NOS1: variants seen among roughly 807,000 people sequenced by gnomAD.
NOS1 encodes nitric oxide synthase 1.
NOS1 carries 51 observed loss-of-function variants against 164.5 expected under a neutral mutation model. That is an observed-to-expected ratio of 0.31 (90% CI 0.25 to 0.39). The LOEUF is 0.39. NOS1 is among the 10% of genes least tolerant of loss of function. NOS1 has a pLI of 1.00. For synonymous variants in NOS1, 719 were observed against 745.8 expected, an observed-to-expected ratio of 0.96 and a Z score of 0.59; for missense variants, 1,362 against 1,885.6, an observed-to-expected ratio of 0.72 and a Z score of 5.14.
At position 117,330,241 on chromosome 12, in the gene NOS1, G is replaced by A; in HGVS notation, c.725+104C>T. 1 of 1,454,176 alleles carries A rather than the reference G, an allele frequency of 6.9e-7. No homozygotes were observed. The highest frequency in any genetic ancestry group is 2.3e-5 in the East Asian group (1 of 42,920). The allele number at this position is 1,454,176 out of a possible 1,614,324, so 90.1% of individuals were successfully genotyped here. A position where few individuals can be genotyped will look rare whatever the true frequency, so the allele number is the denominator to read the frequency against. ...AAAACAGGTATCTGAGACAGCCCAG[G>A]TTGGCTTCTGGGCTATGAGGCTGAG... On this transcript the variant is annotated intron_variant, in intron 2 of 28. Transcript: ENST00000317775. This position sits in a 1 kb window ranked among gnomAD's most constrained non-coding sequence, Gnocchi z 4.6.
intron 2 of NOS1, among the ~76,000 whole-genome samples, chr12:117,314,632 A>G (rs1874591034): frequency 6.6e-6 from 1 of 152,120 alleles, no homozygotes; most frequent in Non-Finnish European, 1.5e-5. Flanking sequence ...TTTGAAACAG[A>G]GTCTTGCTTT....
At position 117,268,025 on chromosome 12, in the gene NOS1, T is replaced by C; in HGVS notation, c.1941+18A>G. On this transcript the variant is annotated intron_variant, in intron 11 of 28. Coordinates refer to ENST00000317775, the MANE Select transcript of NOS1 (RefSeq NM_000620.5). ...CTCATTTGAAGCTTGACCCTGGTGG[T>C]GCGGGCCCTGGTGTTACCTGGAAGC... is the stretch of plus-strand genomic sequence containing the variant. 1 of 1,561,578 alleles carries C rather than the reference T, an allele frequency of 6.4e-7. No homozygotes were observed. The highest frequency in any genetic ancestry group is 8.8e-7 in the Non-Finnish European group (1 of 1,133,322).
chr12:117,210,040 C>A lies in NOS1; in HGVS notation c.*5269G>T, dbSNP rs574307800. On this transcript the variant is annotated 3_prime_UTR_variant, in exon 29 of 29. Coordinates refer to ENST00000317775, the MANE Select transcript of NOS1 (RefSeq NM_000620.5). The stretch of plus-strand genomic sequence containing the variant: ...CAGGCTGGAGTGCAGTGGTGCGATC[C>A]TAGCTCACTGTCGCCTCAAACTCCT... 3 of 936,328 alleles carry A rather than the reference C, an allele frequency of 3.2e-6. No homozygotes were observed. The highest frequency in any genetic ancestry group is 2.3e-4 in the East Asian group (2 of 8,580). The allele number at this position is 936,328 out of a possible 1,614,324, so 58.0% of individuals were successfully genotyped here. A position where few individuals can be genotyped will look rare whatever the true frequency, so the allele number is the denominator to read the frequency against.
intron 2 of NOS1, among the ~76,000 whole-genome samples, chr12:117,323,111 G>A (rs1875068705): frequency 6.6e-6 from 1 of 152,202 alleles, no homozygotes; most frequent in Non-Finnish European, 1.5e-5. Flanking sequence ...TTCTGAGGAA[G>A]AGCCATGGGA....
intron 20 of NOS1, among the ~76,000 whole-genome samples, chr12:117,238,991 T>C (rs1028455462): frequency 6.6e-6 from 1 of 152,200 alleles, no homozygotes; most frequent in African/African-American, 2.4e-5. Flanking sequence ...CGACCAGAGA[T>C]GCCTATGGCT....
chr12:117,320,745 C>A (rs950405841), intron 2 of NOS1, among the ~76,000 whole-genome samples: 2 of 152,192 alleles, frequency 1.3e-5, no homozygotes, highest in Non-Finnish European at 2.9e-5. Context: ...TATGCTCAAG[C>A]CCCTCGAGCT....
intron 3 of NOS1, among the ~76,000 whole-genome samples, chr12:117,308,343 CAA>C: frequency 6.6e-6 from 1 of 152,026 alleles, no homozygotes; most frequent in African/African-American, 2.4e-5. Context: ...CCCGTTTCTA[CAA>C]AAAAATATAA....
At chr12:117,349,623 C>T (rs1346664669) in intron 1 of NOS1, among the ~76,000 whole-genome samples, 2 of 152,154 alleles carry the variant, frequency 1.3e-5, no homozygotes, top group Non-Finnish European at 2.9e-5. Context: ...TGGGTCCCAC[C>T]AGTGGAGTAT....
chr12:117,328,759 T>C (rs1340657379), intron 2 of NOS1, among the ~76,000 whole-genome samples: 1 of 152,220 alleles, frequency 6.6e-6, no homozygotes, highest in East Asian at 1.9e-4. Flanking sequence ...TTATCTCCTT[T>C]ACATATATCC....
Position 117,209,349 on chromosome 12 carries a change from G to A in NOS1, c.*5960C>T, listed in dbSNP as rs1392010804. The A allele has an allele frequency of 1.0e-5, 10 of 972,716 alleles. No homozygotes were observed. The East Asian group carries it at 3.4e-4, about 33-fold the overall frequency. The allele number at this position is 972,716 out of a possible 1,614,324, so 60.3% of individuals were successfully genotyped here. A position where few individuals can be genotyped will look rare whatever the true frequency, so the allele number is the denominator to read the frequency against. ...CTCAGCTTCCTACAGTACCCAAGACGGCCCCCACAAGAAAGAATTACCCAG... is the reference window on the plus strand; with the variant it reads ...CTCAGCTTCCTACAGTACCCAAGACAGCCCCCACAAGAAAGAATTACCCAG... On this transcript the variant is annotated 3_prime_UTR_variant, in exon 29 of 29. Transcript: ENST00000317775.
At chr12:117,235,636 C>T (rs931549803) in intron 20 of NOS1, among the ~76,000 whole-genome samples, 8 of 152,148 alleles carry the variant, frequency 5.3e-5, no homozygotes, top group Non-Finnish European at 8.8e-5. Context: ...TTGATGCCAC[C>T]GGGTTATAAC....
chr12:117,253,831 A>C, intron 16 of NOS1, 77 bp from the exon 17 acceptor site: 1 of 939,306 alleles, frequency 1.1e-6, no homozygotes. Flanking sequence ...TGGATCTTCA[A>C]GTGACCAGTC....
In NOS1 at chr12:117,214,417, T is replaced by C; in HGVS notation, c.*892A>G. The C allele has an allele frequency of 3.0e-6, 3 of 985,258 alleles. No homozygotes were observed. The highest frequency in any genetic ancestry group is 3.6e-6 in the Non-Finnish European group (3 of 829,900). 61.0% of individuals were successfully genotyped at this position (985,258 alleles called of 1,614,324 possible). On this transcript the variant is annotated 3_prime_UTR_variant, in exon 29 of 29. Coordinates refer to ENST00000317775, the MANE Select transcript of NOS1 (RefSeq NM_000620.5). ...TTCCAGGCCCCTTGGATGCTATTGCTGGAGGAGGGGGTCAGTCAATGGATG... is the reference window on the plus strand; with the variant it reads ...TTCCAGGCCCCTTGGATGCTATTGCCGGAGGAGGGGGTCAGTCAATGGATG...
At chr12:117,351,270 C>G (rs1876605355) in intron 1 of NOS1, among the ~76,000 whole-genome samples, 1 of 152,190 alleles carries the variant, frequency 6.6e-6, no homozygotes, top group African/African-American at 2.4e-5. Flanking sequence ...CTGGCAGGGT[C>G]TGCATTCCCT....
chr12:117,303,407 C>T lies in NOS1; in HGVS notation c.852+8059G>A, dbSNP rs115023379. ...ATTTTGACATTTTGAAAGCAGCTAG[C>T]AAGCCCTGCGTCCCCAGGGGTGAGA... On this transcript the variant is annotated intron_variant, in intron 3 of 28. Coordinates refer to ENST00000317775, the MANE Select transcript of NOS1 (RefSeq NM_000620.5). 9.4e-3 allele frequency among the ~76,000 whole-genome samples: 1,438 copies of T among 152,256 alleles called. 27 individuals carry two copies. The highest frequency in any genetic ancestry group is 0.032 in the African/African-American group (1,339 of 41,536).
chr12:117,258,604 C>G, intron 15 of NOS1, 149 bp from the exon 16 acceptor site: 1 of 766,350 alleles, frequency 1.3e-6, no homozygotes, highest in Non-Finnish European at 2.3e-6. Flanking sequence ...TCAGGCTGGA[C>G]AGTAATGCCT....
chr12:117,296,060 T>C lies in NOS1; in HGVS notation c.853-5634A>G, dbSNP rs1477043163. 2.0e-5 allele frequency among the ~76,000 whole-genome samples: 3 copies of C among 152,168 alleles called. No individual in the cohort carries two copies. In the East Asian group the frequency reaches 5.8e-4, roughly 29 times the overall value. ...GAGCATATATGTACCTGGACATGTATGTGCACACCTACATTTCTATATCTT... is the reference window on the plus strand; with the variant it reads ...GAGCATATATGTACCTGGACATGTACGTGCACACCTACATTTCTATATCTT... On this transcript the variant is annotated intron_variant, in intron 3 of 28. Coordinates refer to ENST00000317775, the MANE Select transcript of NOS1 (RefSeq NM_000620.5).
intron 1 of NOS1, among the ~76,000 whole-genome samples, chr12:117,359,550 C>T (rs1877018249): frequency 6.6e-6 from 1 of 152,118 alleles, no homozygotes; most frequent in Non-Finnish European, 1.5e-5. Flanking sequence ...ATGTCGTGGG[C>T]CGCCAGAGGT....
intron 1 of NOS1, among the ~76,000 whole-genome samples, chr12:117,351,633 G>T (rs1348825633): frequency 1.3e-5 from 2 of 152,214 alleles, no homozygotes; most frequent in African/African-American, 4.8e-5. Flanking sequence ...TCTAAGCCAA[G>T]TCATCCTAAT....
Sources: gnomAD v4.1 joint callset for allele counts (sites outside exome capture counted in the v4.1 genomes callset) on GRCh38, gnomAD v4.1.1 for gene constraint, Gnocchi (gnomAD v3.1) non-coding constraint, MANE v1.5 for transcripts, NCBI Gene and HGNC (gene_info 2026-07-23, HGNC 2026-07-21) for gene names.